Variants in PPP1R12A observed in about 807,000 individuals in gnomAD.
The protein encoded by PPP1R12A is protein phosphatase 1 regulatory subunit 12A, also known as myosin binding subunit.
Under a neutral mutation model 139.6 loss-of-function variants are expected in PPP1R12A, and 19 were observed. The observed-to-expected ratio is 0.14, with a 90% confidence interval of 0.09 to 0.20. The LOEUF is 0.20. PPP1R12A is among the 10% of genes least tolerant of loss of function. The pLI, the probability that PPP1R12A is intolerant of heterozygous loss-of-function variation, is 1.00. For missense variants in PPP1R12A, 925 were observed against 1,211.5 expected, an observed-to-expected ratio of 0.76 and a Z score of 3.51; for synonymous variants, 427 against 420.6, an observed-to-expected ratio of 1.02 and a Z score of -0.19.
intron 1 of PPP1R12A, chr12:79,878,217 A>C (rs1462117266): frequency 6.6e-6 from 1 of 151,910 alleles, no homozygotes; most frequent in Non-Finnish European, 1.5e-5. Flanking sequence ...AGTTAAAAAA[A>C]AAAAACAGGC....
intron 1 of PPP1R12A, among the ~76,000 whole-genome samples, chr12:79,884,320 G>C (rs551099097): frequency 5.3e-5 from 8 of 152,000 alleles, no homozygotes; most frequent in Non-Finnish European, 1.0e-4. Flanking sequence ...CTTTTAAGTC[G>C]ACATAAGAAA....
intron 2 of PPP1R12A, among the ~76,000 whole-genome samples, chr12:79,859,354 GAAA>G (rs1160349807): frequency 5.0e-5 from 2 of 40,122 alleles, no homozygotes; most frequent in African/African-American, 1.4e-4. Context: ...AAAAAAGAAA[GAAA>G]AAAAAAAAAA....
At chr12:79,860,836 T>C (rs930688954) in intron 2 of PPP1R12A, among the ~76,000 whole-genome samples, 3 of 152,146 alleles carry the variant, frequency 2.0e-5, no homozygotes, top group African/African-American at 7.2e-5. Context: ...AAACAAAACT[T>C]TGAATGATTT....
intron 14 of PPP1R12A, 92 bp from the exon 15 acceptor site, chr12:79,798,676 T>C (rs1263404562): frequency 1.5e-5 from 9 of 588,284 alleles, no homozygotes; most frequent in Non-Finnish European, 2.1e-5. Flanking sequence ...CATACAGGTT[T>C]AATATCTTAG....
Position 79,782,185 on chromosome 12 carries a change from C to G in PPP1R12A, c.2908-323G>C, listed in dbSNP as rs566417997. 6.6e-4 allele frequency: 120 copies of G among 181,656 alleles called. No homozygotes were observed. In the Middle Eastern group the frequency reaches 0.012, roughly 18 times the overall value. The allele number at this position is 181,656 out of a possible 1,614,324, so 11.3% of individuals were successfully genotyped here. A position where few individuals can be genotyped will look rare whatever the true frequency, so the allele number is the denominator to read the frequency against. On this transcript the variant is annotated intron_variant, in intron 22 of 24. Coordinates refer to ENST00000450142, the MANE Select transcript of PPP1R12A (RefSeq NM_002480.3). ...AAACTGTAGCTTTCCTTCTGAAGCT[C>G]AAATTCTTTCCTTTCCTACACCATC...
At chr12:79,888,966 C>A (rs933826908) in intron 1 of PPP1R12A, among the ~76,000 whole-genome samples, 2 of 152,190 alleles carry the variant, frequency 1.3e-5, no homozygotes, top group Admixed American at 6.5e-5. Flanking sequence ...GGAATTTATT[C>A]TGCAGATACA....
At chr12:79,903,183 G>A (rs992727273) in intron 1 of PPP1R12A, among the ~76,000 whole-genome samples, 11 of 152,114 alleles carry the variant, frequency 7.2e-5, no homozygotes, top group African/African-American at 2.7e-4. Flanking sequence ...CGGGCGTGGT[G>A]GCTCATGTCT....
intron 24 of PPP1R12A, among the ~76,000 whole-genome samples, chr12:79,776,991 G>T (rs572784125): frequency 9.3e-4 from 141 of 152,056 alleles, no homozygotes; most frequent in Non-Finnish European, 1.7e-3. Context: ...GAACCAATAT[G>T]TTCTTATCTG....
intron 1 of PPP1R12A, among the ~76,000 whole-genome samples, chr12:79,932,293 TTTTTAA>T (rs1888312044): frequency 6.6e-6 from 1 of 152,196 alleles, no homozygotes; most frequent in African/African-American, 2.4e-5. Context: ...GTGTGTGTGG[TTTTTAA>T]TTTTATTTAT....
At chr12:79,926,043 G>T (rs187454292) in intron 1 of PPP1R12A, among the ~76,000 whole-genome samples, 1 of 152,114 alleles carries the variant, frequency 6.6e-6, no homozygotes, top group Non-Finnish European at 1.5e-5. Flanking sequence ...TTACAGGTGT[G>T]AGCCACTGCA....
intron 13 of PPP1R12A, 40 bp from the exon 14 acceptor site, chr12:79,805,808 A>C (rs370410150): frequency 1.6e-5 from 25 of 1,556,638 alleles, no homozygotes; most frequent in Non-Finnish European, 2.0e-5. Flanking sequence ...AGAGAAAAGG[A>C]AAACAGCTAA....
intron 2 of PPP1R12A, among the ~76,000 whole-genome samples, chr12:79,852,731 C>G (rs1265703382): frequency 6.6e-6 from 1 of 152,106 alleles, no homozygotes; most frequent in Non-Finnish European, 1.5e-5. Context: ...TCCTGACTCT[C>G]CACTCCACCT....
intron 1 of PPP1R12A, among the ~76,000 whole-genome samples, chr12:79,918,362 T>A (rs1158294517): frequency 2.0e-5 from 3 of 152,164 alleles, no homozygotes; most frequent in Non-Finnish European, 4.4e-5. Flanking sequence ...GTGCACAACA[T>A]CCTGTACAGA....
chr12:79,840,757 T>C (rs549539853), intron 3 of PPP1R12A, among the ~76,000 whole-genome samples: 2 of 152,326 alleles, frequency 1.3e-5, no homozygotes, highest in African/African-American at 4.8e-5. Context: ...TTGAGAATCT[T>C]CTTCAAGGAA....
chr12:79,831,151 C>CAA (rs397937995), intron 4 of PPP1R12A, among the ~76,000 whole-genome samples: 9 of 144,836 alleles, frequency 6.2e-5, no homozygotes, highest in African/African-American at 2.3e-4. Context: ...TTTCTATTCT[C>CAA]AAAAAAAAAA....
At chr12:79,826,444 T>A (rs1876783575) in intron 5 of PPP1R12A, among the ~76,000 whole-genome samples, 1 of 147,856 alleles carries the variant, frequency 6.8e-6, no homozygotes, top group South Asian at 2.2e-4. Context: ...ACTCAAGCGA[T>A]CCTTCTACCT....
At chr12:79,852,197 T>TC (rs1330377020) in intron 2 of PPP1R12A, among the ~76,000 whole-genome samples, 1 of 150,440 alleles carries the variant, frequency 6.6e-6, no homozygotes, top group African/African-American at 2.4e-5. Flanking sequence ...TTCTTTCTTT[T>TC]TTTTTTTTTT....
intron 23 of PPP1R12A, among the ~76,000 whole-genome samples, chr12:79,781,056 G>A (rs940501253): frequency 6.6e-6 from 1 of 152,040 alleles, no homozygotes; most frequent in Non-Finnish European, 1.5e-5. Context: ...TTCTCTGGTC[G>A]AAACCCTACC....
chr12:79,778,475 A>G (rs1478470605), intron 24 of PPP1R12A, 75 bp downstream of exon 24: 2 of 1,024,886 alleles, frequency 2.0e-6, no homozygotes, highest in Non-Finnish European at 2.8e-6. Flanking sequence ...ATTAATGTAA[A>G]CCATATCTAT....
Sources: gnomAD v4.1 joint callset for allele counts (sites outside exome capture counted in the v4.1 genomes callset) on GRCh38, gnomAD v4.1.1 for gene constraint, MANE v1.5 for transcripts, NCBI Gene and HGNC (gene_info 2026-07-23, HGNC 2026-07-21) for gene names.